SETDB2: variants seen among roughly 807,000 people sequenced by gnomAD.
The protein encoded by SETDB2 is histone-lysine N-methyltransferase SETDB2.
A neutral mutation model predicts 82.5 loss-of-function variants in SETDB2; 56 were observed. The observed-to-expected ratio is 0.68, with a 90% confidence interval of 0.55 to 0.85. SETDB2 has a LOEUF of 0.85. Ranked by LOEUF, SETDB2 falls within the 40% of genes least tolerant of loss-of-function variation. The probability of loss-of-function intolerance (pLI) is 0.00; values close to 1 mark genes in which losing one functional copy is unlikely to be tolerated. For synonymous variants in SETDB2, 272 were observed against 284.9 expected (o/e 0.95, Z 0.46); for missense variants, 677 against 816.4 (o/e 0.83, Z 2.08).
chr13:49,479,487 C>T (rs988739056), intron 6 of SETDB2, among the ~76,000 whole-genome samples: 2 of 152,138 alleles, frequency 1.3e-5, no homozygotes, highest in Non-Finnish European at 2.9e-5. Flanking sequence ...AGCCACCATT[C>T]TGATGTGTAT....
chr13:49,460,948 C>T, intron 3 of SETDB2, 149 bp from the exon 4 acceptor site: 1 of 504,026 alleles, frequency 2.0e-6, no homozygotes, highest in South Asian at 5.0e-5. Flanking sequence ...CTCTGAGCCT[C>T]AGTTTCTTTT....
intron 5 of SETDB2, among the ~76,000 whole-genome samples, chr13:49,476,049 C>T (rs957775342): frequency 1.3e-5 from 2 of 152,118 alleles, no homozygotes; most frequent in Non-Finnish European, 2.9e-5. Flanking sequence ...GATTCATGCT[C>T]TAAATGAACT....
chr13:49,487,333 C>A (rs896201993), intron 11 of SETDB2, among the ~76,000 whole-genome samples: 17 of 151,746 alleles, frequency 1.1e-4, no homozygotes, highest in African/African-American at 3.9e-4. Flanking sequence ...GCATTCATAT[C>A]TTTTCTTTTT....
chr13:49,459,908 A>G (rs1021472448), intron 2 of SETDB2, 199 bp from the exon 3 acceptor site: 1 of 454,978 alleles, frequency 2.2e-6, no homozygotes, highest in Non-Finnish European at 3.8e-6. Context: ...ATTAACAGAA[A>G]TGGGTAAGAT....
intron 12 of SETDB2, 39 bp downstream of exon 12, chr13:49,488,669 G>C: frequency 6.7e-7 from 1 of 1,484,794 alleles, no homozygotes; most frequent in Non-Finnish European, 9.0e-7. Context: ...CTGAACAACT[G>C]TTTTTTTCTA....
chr13:49,490,703 G>A (rs9568223), intron 12 of SETDB2, 119 bp from the exon 13 acceptor site: 464,685 of 646,644 alleles, frequency 0.72, 168,239 homozygotes, highest in East Asian at 0.85. Flanking sequence ...TTTATACATT[G>A]ACAAAAAAAG....
At position 49,452,812 on chromosome 13, in the gene SETDB2, C is replaced by T. The variant is rs141956631; in HGVS notation, c.16+903C>T. On this transcript the variant is annotated intron_variant, in intron 2 of 13. Coordinates refer to ENST00000611815, the MANE Select transcript of SETDB2 (RefSeq NM_001160308.3). ...ATGTTTTTCCATAATTTGACTGGAGCGATGGGTTTTGGGGAGTGTGATCTC... is the reference window on the plus strand; with the variant it reads ...ATGTTTTTCCATAATTTGACTGGAGTGATGGGTTTTGGGGAGTGTGATCTC... Among the ~76,000 whole-genome samples, 246 of 152,144 alleles carry T rather than the reference C, an allele frequency of 1.6e-3. 1 individual carries two copies. Among genetic ancestry groups the T allele is most frequent in the African/African-American group, 5.6e-3 (233 of 41,488 alleles).
At chr13:49,466,024 T>A (rs1026867054) in intron 4 of SETDB2, among the ~76,000 whole-genome samples, 9 of 152,314 alleles carry the variant, frequency 5.9e-5, no homozygotes, top group African/African-American at 2.2e-4. Context: ...CATACAGATA[T>A]TTGATTGGCT....
At position 49,444,347 on chromosome 13, in the gene SETDB2, G is replaced by A; in HGVS notation, c.-852G>A. On this transcript the variant is annotated 5_prime_UTR_variant, in exon 1 of 14. It removes an upstream start codon present in the reference 5' UTR. Coordinates refer to ENST00000611815, the MANE Select transcript of SETDB2 (RefSeq NM_001160308.3). ...GTGGTTGAGATGAAGGCTAGTAAATGGTGAAGTACTTCCCGGCCAGAGGGC... is the reference window on the plus strand; with the variant it reads ...GTGGTTGAGATGAAGGCTAGTAAATAGTGAAGTACTTCCCGGCCAGAGGGC... 4.2e-6 allele frequency: 1 copy of A among 237,118 alleles called. No homozygotes were observed. The allele number at this position is 237,118 out of a possible 1,614,324, so 14.7% of individuals were successfully genotyped here. A position where few individuals can be genotyped will look rare whatever the true frequency, so the allele number is the denominator to read the frequency against.
chr13:49,483,036 C>A, intron 9 of SETDB2, 74 bp downstream of exon 9: 1 of 932,480 alleles, frequency 1.1e-6, no homozygotes, highest in East Asian at 2.6e-5. Context: ...ATTCCTTCCC[C>A]TCTTTCTTTT....
chr13:49,463,920 G>T, intron 4 of SETDB2: 1 of 697,500 alleles, frequency 1.4e-6, no homozygotes, highest in Non-Finnish European at 2.6e-6. Flanking sequence ...TCTGGGTCTG[G>T]GCTGTGCCTA....
intron 12 of SETDB2, among the ~76,000 whole-genome samples, chr13:49,490,428 A>G (rs1367028706): frequency 6.6e-6 from 1 of 152,176 alleles, no homozygotes; most frequent in Non-Finnish European, 1.5e-5. Context: ...CTTTAGGCAA[A>G]TATTTGGGTT....
intron 5 of SETDB2, among the ~76,000 whole-genome samples, chr13:49,468,191 T>C (rs1958154792): frequency 6.6e-6 from 1 of 152,234 alleles, no homozygotes; most frequent in African/African-American, 2.4e-5. Flanking sequence ...TAAGATGTCT[T>C]TGTGTATTTT....
chr13:49,467,909 C>A lies in SETDB2; in HGVS notation c.254C>A (p.Ala85Glu). 1 of 1,611,562 alleles carries A rather than the reference C, an allele frequency of 6.2e-7. No individual in the cohort carries two copies. Among genetic ancestry groups the A allele is most frequent in the Non-Finnish European group, 8.5e-7 (1 of 1,179,166 alleles). ...TQKEQENKSN[A>E]FPSTSCENSF... ...AAGGAACAGGAAAACAAATCCAATG[C>A]ATTTCCCTCTACATCATGTGAAAAC... The change falls in exon 5 of 14, where the codon GCA (alanine) becomes GAA (glutamate). Residue 85 changes from alanine to glutamate, a missense_variant. Coordinates refer to ENST00000611815, the MANE Select transcript of SETDB2 (RefSeq NM_001160308.3).
At chr13:49,461,853 C>T (rs1392179783) in intron 4 of SETDB2, among the ~76,000 whole-genome samples, 1 of 152,180 alleles carries the variant, frequency 6.6e-6, no homozygotes, top group Non-Finnish European at 1.5e-5. Context: ...TGACTGACTG[C>T]TACAAATTAG....
chr13:49,493,562 C>T lies in SETDB2; in HGVS notation c.*1713C>T, dbSNP rs2139010512. 1 of 152,240 alleles carries T rather than the reference C, an allele frequency of 6.6e-6. No individual in the cohort carries two copies. The highest frequency in any genetic ancestry group is 2.1e-4 in the South Asian group (1 of 4,832). 9.4% of individuals were successfully genotyped at this position (152,240 alleles called of 1,614,324 possible). A position where few individuals can be genotyped will look rare whatever the true frequency, so the allele number is the denominator to read the frequency against. ...AGTTAGATGCCATTATTTTCCTTTTCCTTGGTTTACTCTTCCACATATTGG... is the reference window on the plus strand; with the variant it reads ...AGTTAGATGCCATTATTTTCCTTTTTCTTGGTTTACTCTTCCACATATTGG... On this transcript the variant is annotated 3_prime_UTR_variant, in exon 14 of 14. Coordinates refer to ENST00000611815, the MANE Select transcript of SETDB2 (RefSeq NM_001160308.3).
rs1958366836 is a variant in SETDB2, at chr13:49,476,522, G to A, written c.352G>A (p.Asp118Asn). ...EILSLEDKVVDFREKDSSSNL... is the reference protein window; with the variant it reads ...EILSLEDKVVNFREKDSSSNL... ...TCTCTCTCTTGAAGATAAAGTTGTA[G>A]ACTTTAGAGAAAAAGACTCATCTTC... Residue 118 changes from aspartate (D) to asparagine (N), a missense_variant, in exon 6 of 14, where the codon GAC becomes AAC. Asp to Asn is a conservative substitution (Grantham distance 23). Around this residue, in one of 3 missense-constraint regions of SETDB2, gnomAD observed 243 missense variants for 237.2 expected, o/e 1.02. Transcript: ENST00000611815. 2.5e-6 allele frequency: 4 copies of A among 1,610,418 alleles called. No individual in the cohort carries two copies.
At position 49,464,074 on chromosome 13, in the gene SETDB2, A is replaced by G; in HGVS notation, c.208+2912A>G. The G allele has an allele frequency of 5.2e-6, 4 of 774,856 alleles. No homozygotes were observed. In the South Asian group the frequency reaches 5.5e-5, roughly 11 times the overall value. The allele number at this position is 774,856 out of a possible 1,614,324, so 48.0% of individuals were successfully genotyped here. On this transcript the variant is annotated intron_variant, in intron 4 of 13. Coordinates refer to ENST00000611815, the MANE Select transcript of SETDB2 (RefSeq NM_001160308.3). Reference sequence around the variant, plus strand: ...AAGCAGTGGTGAGATTTGAGAGCACATTATACCACCCTAATAGGTGAAAGG... The same window carrying G: ...AAGCAGTGGTGAGATTTGAGAGCACGTTATACCACCCTAATAGGTGAAAGG...
At chr13:49,454,828 C>T (rs1957850395) in intron 2 of SETDB2, among the ~76,000 whole-genome samples, 1 of 152,018 alleles carries the variant, frequency 6.6e-6, no homozygotes, top group Non-Finnish European at 1.5e-5. Context: ...GATCATAGTA[C>T]TGATTTCACC....
Sources: allele counts gnomAD v4.1 joint callset (sites outside exome capture counted in the v4.1 genomes callset), GRCh38; gene constraint gnomAD v4.1.1; regional missense constraint gnomAD v4.1.1; transcripts MANE v1.5; gene names NCBI Gene and HGNC (gene_info 2026-07-23, HGNC 2026-07-21).